ADGRB1: variants seen among roughly 807,000 people sequenced by gnomAD.
ADGRB1 encodes brain-specific angiogenesis inhibitor 1.
In ADGRB1, 36 loss-of-function variants were observed where a neutral mutation model predicts 175.7. The ratio of observed to expected loss-of-function variants is 0.20; its 90% CI spans 0.16 to 0.27. The LOEUF is 0.27. Among genes scored for constraint, ADGRB1 ranks in the 10% least tolerant of loss-of-function variants. ADGRB1 has a pLI of 1.00. For missense variants in ADGRB1, 1,731 were observed against 2,255.3 expected (o/e 0.77, Z 4.71); for synonymous variants, 1,054 against 979.4 (o/e 1.08, Z -1.42).
intron 11 of ADGRB1, 92 bp from the exon 12 acceptor site, chr8:142,483,885 C>G: frequency 1.4e-6 from 2 of 1,381,282 alleles, no homozygotes; most frequent in Non-Finnish European, 2.1e-6. Flanking sequence ...AGCCCTGACC[C>G]TGGTCACACA....
rs761384985 is a variant in ADGRB1 at position 142,464,529 on chromosome 8, A to G, written c.331A>G (p.Thr111Ala). The G allele has an allele frequency of 2.2e-5, 35 of 1,571,276 alleles. 1 individual carries two copies. Among genetic ancestry groups the G allele is most frequent in the East Asian group, 1.4e-4 (6 of 42,174 alleles). The change falls in exon 2 of 31, where the codon ACG (threonine) becomes GCG (alanine). Residue 111 changes from threonine to alanine, a missense_variant. Around this residue, in one of 8 missense-constraint regions of ADGRB1, gnomAD observed 383 missense variants for 383.1 expected, o/e 1.00. Transcript: ENST00000517894. ...CCAGTTCGACTCCTTCCTCGAGTCC[A>G]CGCGCACCTACCTGGGCGTGGAGAG... Reference protein sequence around the residue: ...TYQFDSFLESTRTYLGVESFD... With the variant: ...TYQFDSFLESARTYLGVESFD...
In ADGRB1 at chr8:142,455,489, G is replaced by A. The variant is rs1277260056; in HGVS notation, c.-220+5385G>A. On this transcript the variant is annotated intron_variant, in intron 1 of 30. Transcript: ENST00000517894. The surrounding 1 kb of genome is among the most constrained non-coding windows in gnomAD (Gnocchi z 4.9). ...CCAACCACTTGCCTTCCTGGGAGAG[G>A]AGCATGCGGCAGGCTGGTCCCCTGC... Among the ~76,000 whole-genome samples the A allele has an allele frequency of 6.6e-6, 1 of 152,210 alleles. No individual in the cohort carries two copies. Among genetic ancestry groups the A allele is most frequent in the Non-Finnish European group, 1.5e-5 (1 of 68,038 alleles).
chr8:142,541,480 A>G (rs939484419), intron 27 of ADGRB1, among the ~76,000 whole-genome samples: 1 of 152,140 alleles, frequency 6.6e-6, no homozygotes, highest in African/African-American at 2.4e-5. Context: ...GGCTGCACTC[A>G]GCACCACTGG....
rs73714316 is a variant in ADGRB1, at chr8:142,537,561, C to A, written c.3666+479C>A. Among the ~76,000 whole-genome samples the A allele has an allele frequency of 0.036, 5,470 of 152,120 alleles. 307 individuals carry two copies. The highest frequency in any genetic ancestry group is 0.12 in the African/African-American group (5,151 of 41,462). On this transcript the variant is annotated intron_variant, in intron 26 of 30. Coordinates refer to ENST00000517894, the MANE Select transcript of ADGRB1 (RefSeq NM_001702.3). The surrounding 1 kb of genome is among the most constrained non-coding windows in gnomAD (Gnocchi z 4.6). ...CTGCCTCCCTGGCGCTCCCTGGGTG[C>A]TGCCCAGTCCTCAGCCCCTGCAGGG...
At chr8:142,469,173 ATGTG>A (rs796698695) in intron 2 of ADGRB1, among the ~76,000 whole-genome samples, 20,126 of 138,784 alleles carry the variant, frequency 0.15, 1,588 homozygotes, top group East Asian at 0.21. Context: ...GTGTGTGTGC[ATGTG>A]TGTGAATGTG....
chr8:142,534,276 G>A (rs943878908), intron 25 of ADGRB1, among the ~76,000 whole-genome samples: 1 of 152,240 alleles, frequency 6.6e-6, no homozygotes, highest in African/African-American at 2.4e-5. Context: ...GGAAGGTCAG[G>A]CGTGGGAGGC....
Position 142,455,100 on chromosome 8 carries a change from T to A in ADGRB1, c.-220+4996T>A, listed in dbSNP as rs1463773300. On this transcript the variant is annotated intron_variant, in intron 1 of 30. Coordinates refer to ENST00000517894, the MANE Select transcript of ADGRB1 (RefSeq NM_001702.3). This position sits in a 1 kb window ranked among gnomAD's most constrained non-coding sequence, Gnocchi z 4.9. ...GCACCCTCACTGCCCCCCTACCATC[T>A]CACCCCACCCCATCACCCCCACCAC... Among the ~76,000 whole-genome samples the A allele has an allele frequency of 4.5e-5, 3 of 66,626 alleles. No homozygotes were observed. The Admixed American group carries it at 5.3e-4, about 12-fold the overall frequency. The allele number at this position is 66,626 out of a possible 152,430, so 43.7% of individuals were successfully genotyped here.
At chr8:142,491,869 A>T (rs1473272111) in intron 17 of ADGRB1, among the ~76,000 whole-genome samples, 3 of 152,116 alleles carry the variant, frequency 2.0e-5, no homozygotes, top group Non-Finnish European at 4.4e-5. Flanking sequence ...CAGGCGTTGG[A>T]GGACAAGGCT....
In ADGRB1 at chr8:142,522,122, C is replaced by A; in HGVS notation, c.3175+7C>A. 6.2e-7 allele frequency: 1 copy of A among 1,606,776 alleles called. No individual in the cohort carries two copies. Among genetic ancestry groups the A allele is most frequent in the African/African-American group, 1.3e-5 (1 of 74,986 alleles). On this transcript the variant is annotated splice_region_variant and intron_variant, in intron 21 of 30. Transcript: ENST00000517894. ...TTCCTCTGCCTGGGCTGGGGTGAGC[C>A]GCGGCCTTCCCGACCCTCCTGGACA...
chr8:142,504,478 C>T lies in ADGRB1; in HGVS notation c.2676-6454C>T, dbSNP rs575096871. On this transcript the variant is annotated intron_variant, in intron 17 of 30. Transcript: ENST00000517894. This position sits in a 1 kb window ranked among gnomAD's most constrained non-coding sequence, Gnocchi z 5.6. ...AAGGGAGGCCCCTCTGGGATGGTCG[C>T]GGGGGGCTCTGGCTGCTGGGTGAGG... Among the ~76,000 whole-genome samples the T allele has an allele frequency of 4.6e-5, 7 of 152,192 alleles. No individual in the cohort carries two copies. Among genetic ancestry groups the T allele is most frequent in the African/African-American group, 9.6e-5 (4 of 41,522 alleles).
chr8:142,530,164 CGT>C (rs1014856485), intron 24 of ADGRB1, among the ~76,000 whole-genome samples: 1 of 151,582 alleles, frequency 6.6e-6, no homozygotes, highest in Non-Finnish European at 1.5e-5. Flanking sequence ...CCTGTGTGTG[CGT>C]GTGTGTGTAT....
chr8:142,488,579 T>C (rs13255287), intron 14 of ADGRB1, 72 bp downstream of exon 14: 314,975 of 1,565,550 alleles, frequency 0.2, 37,900 homozygotes, highest in African/African-American at 0.55. Flanking sequence ...GTCACCACCC[T>C]TCTGGAGTCT....
rs559477677 is a variant in ADGRB1 at position 142,486,544 on chromosome 8, G to A, written c.2308+1780G>A. On this transcript the variant is annotated intron_variant, in intron 13 of 30. Transcript: ENST00000517894. The stretch of plus-strand genomic sequence containing the variant: ...ACAGACACAGTCCGAGGATATTTAA[G>A]TTAAGCAACCCTAACTTCCACGTGA... Among the ~76,000 whole-genome samples the A allele has an allele frequency of 6.5e-4, 99 of 152,336 alleles. 1 individual carries two copies. The highest frequency in any genetic ancestry group is 1.7e-3 in the African/African-American group (71 of 41,572).
At position 142,542,584 on chromosome 8, in the gene ADGRB1, A is replaced by G. The variant is rs1845343608; in HGVS notation, c.4350A>G (p.Gly1450=). The part of the protein sequence containing the change: ...GDPGEPAAHP[G]PSTGPSTKNE... Reference sequence around the variant, plus strand: ...CCGGGGAGCCTGCCGCCCATCCGGGACCCAGCACGGGGCCCAGCACCAAGA... The same window carrying G: ...CCGGGGAGCCTGCCGCCCATCCGGGGCCCAGCACGGGGCCCAGCACCAAGA... Residue 1450 remains glycine (G), a synonymous_variant, in exon 28 of 31, where the codon GGA becomes GGG. Transcript: ENST00000517894. The surrounding 1 kb of genome is among the most constrained non-coding windows in gnomAD (Gnocchi z 6.3). The G allele has an allele frequency of 1.3e-6, 2 of 1,531,088 alleles. No individual in the cohort carries two copies. Among genetic ancestry groups the G allele is most frequent in the Non-Finnish European group, 1.8e-6 (2 of 1,137,938 alleles). 94.8% of individuals were successfully genotyped at this position (1,531,088 alleles called of 1,614,324 possible).
At chr8:142,541,552 A>G (rs1300505702) in intron 27 of ADGRB1, among the ~76,000 whole-genome samples, 1 of 152,180 alleles carries the variant, frequency 6.6e-6, no homozygotes, top group Non-Finnish European at 1.5e-5. Flanking sequence ...GGAGCGTTGG[A>G]GGGCCGGCTG....
chr8:142,536,982 C>T lies in ADGRB1; in HGVS notation c.3571-5C>T. 1 of 1,580,858 alleles carries T rather than the reference C, an allele frequency of 6.3e-7. No homozygotes were observed. The highest frequency in any genetic ancestry group is 8.6e-7 in the Non-Finnish European group (1 of 1,164,594). On this transcript the variant is annotated splice_region_variant and splice_polypyrimidine_tract_variant and intron_variant, in intron 25 of 30. Coordinates refer to ENST00000517894, the MANE Select transcript of ADGRB1 (RefSeq NM_001702.3). The stretch of plus-strand genomic sequence containing the variant: ...CCACTGAGGTGCTCGGCTCTCCCTC[C>T]CCAGGTCCAGGACGCTGTGAAATGC...
At position 142,510,900 on chromosome 8, in the gene ADGRB1, C is replaced by T; in HGVS notation, c.2676-32C>T. ...GTCCCCGCCGCCGCTGACGCTCCGCCTGTCTCCCTCCCGTGTCCCGCCCGC... is the reference window on the plus strand; with the variant it reads ...GTCCCCGCCGCCGCTGACGCTCCGCTTGTCTCCCTCCCGTGTCCCGCCCGC... On this transcript the variant is annotated intron_variant, in intron 17 of 30. Coordinates refer to ENST00000517894, the MANE Select transcript of ADGRB1 (RefSeq NM_001702.3). The surrounding 1 kb of genome is among the most constrained non-coding windows in gnomAD (Gnocchi z 6.3). 9.5e-7 allele frequency: 1 copy of T among 1,055,450 alleles called. No homozygotes were observed. The highest frequency in any genetic ancestry group is 1.1e-6 in the Non-Finnish European group (1 of 872,090). 65.4% of individuals were successfully genotyped at this position (1,055,450 alleles called of 1,614,324 possible).
chr8:142,520,980 T>C (rs1425727344), intron 20 of ADGRB1, 55 bp downstream of exon 20: 1 of 1,536,218 alleles, frequency 6.5e-7, no homozygotes, highest in Non-Finnish European at 9.0e-7. Flanking sequence ...GTGGTGAGGA[T>C]GGACCCCAGG....
chr8:142,543,349 C>T lies in ADGRB1; in HGVS notation c.4414-54C>T, dbSNP rs866123392. 8.1e-6 allele frequency: 13 copies of T among 1,607,900 alleles called. No homozygotes were observed. Among genetic ancestry groups the T allele is most frequent in the African/African-American group, 4.0e-5 (3 of 74,808 alleles). On this transcript the variant is annotated intron_variant, in intron 28 of 30. Transcript: ENST00000517894. This position sits in a 1 kb window ranked among gnomAD's most constrained non-coding sequence, Gnocchi z 4.4. Reference sequence around the variant, plus strand: ...GCCCTCAGTCTGAGGCAGGGAGAGGCGTGGACTTGTCAGGGACCCTTGGCG... The same window carrying T: ...GCCCTCAGTCTGAGGCAGGGAGAGGTGTGGACTTGTCAGGGACCCTTGGCG...
Sources: gnomAD v4.1 joint callset for allele counts (sites outside exome capture counted in the v4.1 genomes callset) on GRCh38, gnomAD v4.1.1 for gene constraint, gnomAD v4.1.1 regional missense constraint, Gnocchi (gnomAD v3.1) non-coding constraint, MANE v1.5 for transcripts, NCBI Gene and HGNC (gene_info 2026-07-23, HGNC 2026-07-21) for gene names.